RTL4: variants seen among roughly 807,000 people sequenced by gnomAD.
RTL4 encodes retrotransposon Gag-like protein 4.
RTL4 carries 4 observed loss-of-function variants against 5.3 expected under a neutral mutation model. That is an observed-to-expected ratio of 0.75 (90% CI 0.37 to 1.72). The LOEUF (loss-of-function observed/expected upper bound fraction) is 1.72, where lower values mean the gene tolerates loss of function less well. Ranked by LOEUF, RTL4 falls within the 40% of genes most tolerant of loss-of-function variation. The probability of loss-of-function intolerance (pLI) is 0.04; values close to 1 mark genes in which losing one functional copy is unlikely to be tolerated. For synonymous variants in RTL4, 98 were observed against 87.3 expected (o/e 1.12, Z -0.68); for missense variants, 260 against 227.1 (o/e 1.14, Z -0.93).
the RTL4 span, among the ~76,000 whole-genome samples, chrX:112,287,707 C>T: frequency 9.1e-6 from 1 of 110,412 alleles, no homozygotes; most frequent in South Asian, 3.8e-4. Context: ...GACGGACAGC[C>T]AGCAAATTGT....
chrX:112,436,726 G>A, the RTL4 span, among the ~76,000 whole-genome samples: 4 of 109,280 alleles, frequency 3.7e-5, no homozygotes, highest in African/African-American at 6.7e-5. Context: ...CTTCTCCAGC[G>A]CCCCAGATGT....
the RTL4 span, among the ~76,000 whole-genome samples, chrX:112,390,688 G>A: frequency 9.6e-6 from 1 of 103,989 alleles, no homozygotes; most frequent in Admixed American, 9.9e-5. Context: ...GGTTCCCTTT[G>A]GTAACCTGAT....
chrX:112,418,099 G>T, the RTL4 span, among the ~76,000 whole-genome samples: 2 of 111,525 alleles, frequency 1.8e-5, no homozygotes, highest in African/African-American at 6.5e-5. Context: ...AGTGAGCTGA[G>T]ATCTCACCAT....
the RTL4 span, among the ~76,000 whole-genome samples, chrX:112,230,653 G>A: frequency 1.8e-5 from 2 of 112,015 alleles, no homozygotes; most frequent in African/African-American, 6.5e-5. Context: ...GGCCATCGTG[G>A]CTCCACTCCA....
the RTL4 span, among the ~76,000 whole-genome samples, chrX:112,199,645 T>G: frequency 9.0e-6 from 1 of 111,487 alleles, no homozygotes; most frequent in African/African-American, 3.3e-5. Context: ...GATTATTTGG[T>G]TAAAAGTTAT....
At chrX:112,441,772 C>T in the RTL4 span, among the ~76,000 whole-genome samples, 1 of 111,880 alleles carries the variant, frequency 8.9e-6, no homozygotes, top group Non-Finnish European at 1.9e-5. Flanking sequence ...TTTTATTTGT[C>T]AATCATATCT....
chrX:112,208,177 G>C, the RTL4 span, among the ~76,000 whole-genome samples: 1 of 111,873 alleles, frequency 8.9e-6, no homozygotes, highest in Non-Finnish European at 1.9e-5. Flanking sequence ...GAGTTCAGTG[G>C]AGAAGGTTGG....
chrX:112,340,631 C>T, the RTL4 span, among the ~76,000 whole-genome samples: 1 of 106,297 alleles, frequency 9.4e-6, no homozygotes, highest in Non-Finnish European at 1.9e-5. Flanking sequence ...CTTTTTAGGC[C>T]GTTAGGACAA....
At chrX:112,367,871 T>C in the RTL4 span, among the ~76,000 whole-genome samples, 960 of 112,035 alleles carry the variant, frequency 8.6e-3, 15 homozygotes, top group African/African-American at 0.03. Flanking sequence ...AGTTAATAAG[T>C]TATCCAGACA....
At chrX:112,129,521 A>G in the RTL4 span, among the ~76,000 whole-genome samples, 1 of 112,216 alleles carries the variant, frequency 8.9e-6, no homozygotes, top group Non-Finnish European at 1.9e-5. Flanking sequence ...CAAACAAACA[A>G]ACAAAAACAC....
the RTL4 span, among the ~76,000 whole-genome samples, chrX:112,328,186 G>A: frequency 1.8e-5 from 2 of 110,196 alleles, no homozygotes; most frequent in African/African-American, 6.6e-5. Context: ...TGGACTAAAT[G>A]CTCCAATTAA....
At chrX:112,329,806 C>A in the RTL4 span, among the ~76,000 whole-genome samples, 1 of 111,252 alleles carries the variant, frequency 9.0e-6, no homozygotes, top group East Asian at 2.8e-4. Context: ...AAAAGCTTAT[C>A]CACCAAGATC....
At chrX:112,111,317 CCTT>C in the RTL4 span, among the ~76,000 whole-genome samples, 4 of 110,977 alleles carry the variant, frequency 3.6e-5, no homozygotes, top group Non-Finnish European at 7.6e-5. Flanking sequence ...CTCTCTGTCT[CCTT>C]CTCTCATTGA....
chrX:112,211,930 G>A, the RTL4 span, among the ~76,000 whole-genome samples: 1 of 112,105 alleles, frequency 8.9e-6, no homozygotes, highest in African/African-American at 3.2e-5. Context: ...AGGGTTGGGT[G>A]ATAGAGGTGA....
the RTL4 span, among the ~76,000 whole-genome samples, chrX:112,257,095 C>G: frequency 0.21 from 22,919 of 111,099 alleles, 1,831 homozygotes; most frequent in African/African-American, 0.31. Context: ...TATCACCCAT[C>G]AGTTTATAGC....
the RTL4 span, among the ~76,000 whole-genome samples, chrX:112,431,255 G>GAA: frequency 1.5e-4 from 16 of 105,716 alleles, no homozygotes; most frequent in Middle Eastern, 4.9e-3. Flanking sequence ...AGGCTCTGGT[G>GAA]AAAAAAAAAA....
At chrX:112,104,535 T>C in the RTL4 span, among the ~76,000 whole-genome samples, 2 of 112,143 alleles carry the variant, frequency 1.8e-5, no homozygotes, top group Non-Finnish European at 3.8e-5. Context: ...GCGTTCTCTG[T>C]TCTCCACAGC....
chrX:112,435,439 T>C, the RTL4 span, among the ~76,000 whole-genome samples: 1 of 112,552 alleles, frequency 8.9e-6, no homozygotes, highest in Non-Finnish European at 1.9e-5. Context: ...ATTAGTATCT[T>C]CTTGAGAGTT....
the RTL4 span, among the ~76,000 whole-genome samples, chrX:112,333,457 T>C: frequency 8.9e-6 from 1 of 111,739 alleles, no homozygotes; most frequent in Non-Finnish European, 1.9e-5. Context: ...CATTTCACTA[T>C]GTGTATCAAA....
Sources: allele counts gnomAD v4.1 joint callset (sites outside exome capture counted in the v4.1 genomes callset), GRCh38; gene constraint gnomAD v4.1.1; transcripts MANE v1.5; gene names NCBI Gene and HGNC (gene_info 2026-07-23, HGNC 2026-07-21).